The following GMPPB variants were observed in gnomAD, a reference collection of about 807,000 sequenced individuals.
The protein encoded by GMPPB is GDP-mannose pyrophosphorylase B.
GMPPB carries 38 observed loss-of-function variants against 40.3 expected under a neutral mutation model. The observed-to-expected ratio is 0.94, with a 90% CI of 0.73 to 1.24. GMPPB has a LOEUF of 1.24. GMPPB is among the 50% of genes most tolerant of loss of function. GMPPB has a pLI of 0.00. For missense variants in GMPPB, 436 were observed against 487.1 expected, an observed-to-expected ratio of 0.90 and a Z score of 0.99; for synonymous variants, 193 against 191.8, an observed-to-expected ratio of 1.01 and a Z score of -0.05.
At position 49,723,701 on chromosome 3, in the gene GMPPB, C is replaced by T; in HGVS notation, c.26G>A (p.Gly9Asp). MKALILVG[G>D]YGTRLRPLTL... ...CAGCGGCCGTAGCCGCGTCCCATAG[C>T]CCCCCACTAAGATCAGTGCCTTCAT... The change falls in exon 1 of 9, where the codon GGC becomes GAC. Residue 9 changes from glycine to aspartate, a missense_variant. Coordinates refer to ENST00000308388, the MANE Select transcript of GMPPB (RefSeq NM_021971.4). The T allele has an allele frequency of 1.9e-6, 3 of 1,592,528 alleles. No individual in the cohort carries two copies. The highest frequency in any genetic ancestry group is 2.6e-6 in the Non-Finnish European group (3 of 1,171,374).
chr3:49,722,301 A>C lies in GMPPB; in HGVS notation c.698T>G (p.Leu233Arg). The change falls in exon 7 of 9, where the codon CTG (leucine) becomes CGG (arginine). Residue 233 changes from leucine (L) to arginine (R), a missense_variant. Physicochemically the swap from Leu to Arg is moderately radical, Grantham distance 102 (BLOSUM62 -2). Coordinates refer to ENST00000308388, the MANE Select transcript of GMPPB (RefSeq NM_021971.4). ...AGGCTGCTTCTGCCTCAGTGACTGC[A>C]GGAAGAGGCACATGCCAGTGAGGAA... The part of the protein sequence containing the change: ...KDFLTGMCLF[L>R]QSLRQKQPER... 6.2e-7 allele frequency: 1 copy of C among 1,613,974 alleles called. No homozygotes were observed. The highest frequency in any genetic ancestry group is 8.5e-7 in the Non-Finnish European group (1 of 1,179,978).
intron 7 of GMPPB, 25 bp downstream of exon 7, chr3:49,722,206 A>T: frequency 6.2e-7 from 1 of 1,609,930 alleles, no homozygotes; most frequent in Non-Finnish European, 8.5e-7. Flanking sequence ...GAGGGGGTTA[A>T]TGATGGGCTG....
chr3:49,723,488 C>T lies in GMPPB; in HGVS notation c.130-16G>A. ...CCACGCCTGCCTGTCAGAACGCAGG[C>T]CGACGGGCGGGCTCAGTCAGAAGGT... On this transcript the variant is annotated splice_polypyrimidine_tract_variant and intron_variant, in intron 1 of 8. Transcript: ENST00000308388. The T allele has an allele frequency of 1.2e-6, 2 of 1,613,292 alleles. 1 individual carries two copies. Among genetic ancestry groups the T allele is most frequent in the Middle Eastern group, 3.3e-4 (2 of 6,062 alleles).
In GMPPB at chr3:49,721,010, C is replaced by T. The variant is rs2080393492; in HGVS notation, c.*742G>A. 2.5e-6 allele frequency: 4 copies of T among 1,610,312 alleles called. No individual in the cohort carries two copies. Among genetic ancestry groups the T allele is most frequent in the Non-Finnish European group, 2.5e-6 (3 of 1,177,316 alleles). On this transcript the variant is annotated 3_prime_UTR_variant, in exon 9 of 9. Transcript: ENST00000308388. ...CAACTCCAGCCCACCCTTCACTCTC[C>T]TCCCTGCAGCCCACCAGTGAGGAGG...
Position 49,722,428 on chromosome 3 carries a change from T to C in GMPPB, c.640+4A>G. 1.9e-6 allele frequency: 3 copies of C among 1,614,106 alleles called. No individual in the cohort carries two copies. The South Asian group carries it at 3.3e-5, about 18-fold the overall frequency. ...ACCCCCACCCTGTGGCCTCCCTGCCTCACCCTGTAACTCCATGGCATATAG... is the reference window on the plus strand; with the variant it reads ...ACCCCCACCCTGTGGCCTCCCTGCCCCACCCTGTAACTCCATGGCATATAG... On this transcript the variant is annotated splice_donor_region_variant and intron_variant, in intron 6 of 8. Transcript: ENST00000308388.
Position 49,722,020 on chromosome 3 carries a change from G to C in GMPPB, c.896C>G (p.Ser299Cys), listed in dbSNP as rs1433602114. The part of the protein sequence containing the change: ...CTVLRDARIR[S>C]HSWLESCIVG... ...AATGCAGGACTCAAGCCAGGAATGG[G>C]AACGGATCCGGGCATCCCGCAGCAC... Residue 299 changes from serine to cysteine, a missense_variant, in exon 8 of 9, where the codon TCC (serine) becomes TGC (cysteine). Physicochemically the swap from Ser to Cys is moderately radical, Grantham distance 112. Transcript: ENST00000308388. 1.2e-6 allele frequency: 2 copies of C among 1,613,510 alleles called. No individual in the cohort carries two copies. Among genetic ancestry groups the C allele is most frequent in the Non-Finnish European group, 1.7e-6 (2 of 1,180,026 alleles).
In GMPPB at chr3:49,722,982, C is replaced by G. The variant is rs1432142017; in HGVS notation, c.392G>C (p.Gly131Ala). 1.2e-6 allele frequency: 2 copies of G among 1,613,674 alleles called. No individual in the cohort carries two copies. The highest frequency in any genetic ancestry group is 2.2e-5 in the South Asian group (2 of 91,028). Residue 131 changes from glycine (G) to alanine (A), a missense_variant, in exon 4 of 9, where the codon GGC (glycine) becomes GCC (alanine). Transcript: ENST00000308388. Reference sequence around the variant, plus strand: ...GACCTGGCGCCTTACCAGGATGGAGCCCTCCTGGCCATGGTGCCGGTGGAA... The same window carrying G: ...GACCTGGCGCCTTACCAGGATGGAGGCCTCCTGGCCATGGTGCCGGTGGAA... ...VQFHRHHGQE[G>A]SILVTKVEEP...
chr3:49,721,998 G>A lies in GMPPB; in HGVS notation c.918C>T (p.Cys306=), dbSNP rs1186936513. 3 of 1,590,550 alleles carry A rather than the reference G, an allele frequency of 1.9e-6. No individual in the cohort carries two copies. Among genetic ancestry groups the A allele is most frequent in the Non-Finnish European group, 1.7e-6 (2 of 1,166,786 alleles). ...CCACGCGGCAGCGCCAGCCCACAAT[G>A]CAGGACTCAAGCCAGGAATGGGAAC... The part of the protein sequence containing the change: ...RIRSHSWLES[C]IVGWRCRVGQ... Residue 306 remains cysteine (C), a synonymous_variant, in exon 8 of 9, where the codon TGC becomes TGT. Transcript: ENST00000308388.
In GMPPB at chr3:49,720,392, G is replaced by A; in HGVS notation, c.*1360C>T. 1 of 1,032,574 alleles carries A rather than the reference G, an allele frequency of 9.7e-7. No homozygotes were observed. The highest frequency in any genetic ancestry group is 3.1e-5 in the Admixed American group (1 of 32,508). 64.0% of individuals were successfully genotyped at this position (1,032,574 alleles called of 1,614,324 possible). A position where few individuals can be genotyped will look rare whatever the true frequency, so the allele number is the denominator to read the frequency against. On this transcript the variant is annotated 3_prime_UTR_variant, in exon 9 of 9. Coordinates refer to ENST00000308388, the MANE Select transcript of GMPPB (RefSeq NM_021971.4). ...TTGGGGTTTGGGAAGCAGGGAGACG[G>A]AAAGGATGCAGGGGGGGTGATCATG... is the stretch of plus-strand genomic sequence containing the variant.
Position 49,722,113 on chromosome 3 carries a change from A to G in GMPPB, c.803T>C (p.Ile268Thr), listed in dbSNP as rs1559696635. 4 of 1,613,456 alleles carry G rather than the reference A, an allele frequency of 2.5e-6. No homozygotes were observed. The highest frequency in any genetic ancestry group is 2.5e-6 in the Non-Finnish European group (3 of 1,179,924). ...AGGTCCCAGGCTCACATTGGGGCCA[A>G]TGCTGCAGTTCTGGCCGATGCGGGC... ...PSARIGQNCS[I>T]GPNVSLGPGV... The change falls in exon 8 of 9, where the codon ATT becomes ACT. Residue 268 changes from isoleucine (I) to threonine (T), a missense_variant. Coordinates refer to ENST00000308388, the MANE Select transcript of GMPPB (RefSeq NM_021971.4).
chr3:49,722,664 C>T lies in GMPPB; in HGVS notation c.493G>A (p.Val165Met). The change falls in exon 5 of 9, where the codon GTG (valine) becomes ATG (methionine). Residue 165 changes from valine (V) to methionine (M), a missense_variant. Physicochemically the swap from Val to Met is conservative, Grantham distance 21 (BLOSUM62 1). Coordinates refer to ENST00000308388, the MANE Select transcript of GMPPB (RefSeq NM_021971.4). ...GCGTTGATCTTATTGGACACAAACA[C>T]CTGTGGCTTCTCCACGAACCGGTGA... ...RIHRFVEKPQ[V>M]FVSNKINAGM... 1 of 1,614,054 alleles carries T rather than the reference C, an allele frequency of 6.2e-7. No homozygotes were observed. Among genetic ancestry groups the T allele is most frequent in the Non-Finnish European group, 8.5e-7 (1 of 1,180,050 alleles).
chr3:49,721,507 G>A lies in GMPPB; in HGVS notation c.*245C>T. The A allele has an allele frequency of 1.2e-6, 1 of 846,306 alleles. No homozygotes were observed. The highest frequency in any genetic ancestry group is 2.0e-6 in the Non-Finnish European group (1 of 503,898). The allele number at this position is 846,306 out of a possible 1,614,324, so 52.4% of individuals were successfully genotyped here. ...TGACTTTCAGTCAGGGCCACAGTGAGCATTAAATTATTATTCCATACAGCC... is the reference window on the plus strand; with the variant it reads ...TGACTTTCAGTCAGGGCCACAGTGAACATTAAATTATTATTCCATACAGCC... On this transcript the variant is annotated 3_prime_UTR_variant, in exon 9 of 9. Coordinates refer to ENST00000308388, the MANE Select transcript of GMPPB (RefSeq NM_021971.4).
rs2080410588 is a variant in GMPPB, at chr3:49,721,652, CCAGA to C, written c.*96_*99del. On this transcript the variant is annotated 3_prime_UTR_variant, in exon 9 of 9. Coordinates refer to ENST00000308388, the MANE Select transcript of GMPPB (RefSeq NM_021971.4). ...CAGCTTCAGCTTCACCCAGTGCCCC[CCAGA>C]CAAATAATGACAAGTCCAGGGTCTT... 6 of 1,185,228 alleles carry C rather than the reference CCAGA, an allele frequency of 5.1e-6. No homozygotes were observed. Among genetic ancestry groups the C allele is most frequent in the Admixed American group, 3.8e-5 (2 of 52,524 alleles). 73.4% of individuals were successfully genotyped at this position (1,185,228 alleles called of 1,614,324 possible).
rs1363018916 is a variant in GMPPB at position 49,723,843 on chromosome 3, C to T, written c.-117G>A. ...CGGCCCCGCGCCCTTCACCAACCCG[C>T]CTGACAGACTCTGGCTCCACCTCGT... On this transcript the variant is annotated 5_prime_UTR_variant, in exon 1 of 9. Transcript: ENST00000308388. 16 of 1,220,552 alleles carry T rather than the reference C, an allele frequency of 1.3e-5. No homozygotes were observed. The highest frequency in any genetic ancestry group is 1.5e-5 in the African/African-American group (1 of 65,178). 75.6% of individuals were successfully genotyped at this position (1,220,552 alleles called of 1,614,324 possible). A position where few individuals can be genotyped will look rare whatever the true frequency, so the allele number is the denominator to read the frequency against.
Position 49,720,927 on chromosome 3 carries a change from A to T in GMPPB, c.*825T>A. ...GGAACACGGTGCACAGGTCCATGCC[A>T]CTTGAATATGTGTGCACTCCTACAC... On this transcript the variant is annotated 3_prime_UTR_variant, in exon 9 of 9. Transcript: ENST00000308388. 1 of 1,611,904 alleles carries T rather than the reference A, an allele frequency of 6.2e-7. No homozygotes were observed. The highest frequency in any genetic ancestry group is 8.5e-7 in the Non-Finnish European group (1 of 1,178,066).
At position 49,723,712 on chromosome 3, in the gene GMPPB, G is replaced by A. The variant is rs1464233491; in HGVS notation, c.15C>T (p.Ile5=). The A allele has an allele frequency of 6.3e-7, 1 of 1,591,276 alleles. No homozygotes were observed. The highest frequency in any genetic ancestry group is 2.2e-5 in the East Asian group (1 of 44,820). Residue 5 remains isoleucine, a synonymous_variant, in exon 1 of 9, where the codon ATC becomes ATT. Coordinates refer to ENST00000308388, the MANE Select transcript of GMPPB (RefSeq NM_021971.4). MKAL[I]LVGGYGTRLR... is the part of the protein sequence containing the mutation. ...GCCGCGTCCCATAGCCCCCCACTAAGATCAGTGCCTTCATCGCGCCTGCGG... is the reference window on the plus strand; with the variant it reads ...GCCGCGTCCCATAGCCCCCCACTAAAATCAGTGCCTTCATCGCGCCTGCGG...
chr3:49,723,176 C>G, intron 3 of GMPPB, 62 bp from the exon 4 acceptor site: 4 of 1,610,330 alleles, frequency 2.5e-6, no homozygotes, highest in Non-Finnish European at 3.4e-6. Context: ...TCAGGCTCAG[C>G]AGGCCCACTC....
At position 49,720,363 on chromosome 3, in the gene GMPPB, G is replaced by GGACTT. The variant is rs1425656337; in HGVS notation, c.*1384_*1388dup. 4 of 719,854 alleles carry GGACTT rather than the reference G, an allele frequency of 5.6e-6. No individual in the cohort carries two copies. Among genetic ancestry groups the GGACTT allele is most frequent in the Non-Finnish European group, 8.4e-6 (4 of 478,390 alleles). The allele number at this position is 719,854 out of a possible 1,614,324, so 44.6% of individuals were successfully genotyped here. A position where few individuals can be genotyped will look rare whatever the true frequency, so the allele number is the denominator to read the frequency against. ...CTGTGTGGCACCTTACTAGAATACAGGACTTGGGGTTTGGGAAGCAGGGAG... is the reference window on the plus strand; with the variant it reads ...CTGTGTGGCACCTTACTAGAATACAGGACTTGACTTGGGGTTTGGGAAGCAGGGAG... On this transcript the variant is annotated 3_prime_UTR_variant, in exon 9 of 9. Transcript: ENST00000308388.
In GMPPB at chr3:49,721,383, T is replaced by C. The variant is rs2080403699; in HGVS notation, c.*369A>G. 1 of 1,585,324 alleles carries C rather than the reference T, an allele frequency of 6.3e-7. No individual in the cohort carries two copies. Among genetic ancestry groups the C allele is most frequent in the Non-Finnish European group, 8.7e-7 (1 of 1,154,418 alleles). On this transcript the variant is annotated 3_prime_UTR_variant, in exon 9 of 9. Transcript: ENST00000308388. ...CTGGGCCCTATTTATGAGCTCCCTT[T>C]GCCCTTCTCCTGTATCCCACACCAC...
Sources: gnomAD v4.1 joint callset for allele counts on GRCh38, gnomAD v4.1.1 for gene constraint, MANE v1.5 for transcripts, NCBI Gene and HGNC (gene_info 2026-07-23, HGNC 2026-07-21) for gene names.